RAP1GAP: variants seen among roughly 807,000 people sequenced by gnomAD.
The protein encoded by RAP1GAP is rap1 GTPase-activating protein 1.
Under a neutral mutation model 87.2 loss-of-function variants are expected in RAP1GAP, and 35 were observed. The observed-to-expected ratio is 0.40, with a 90% CI of 0.31 to 0.53. RAP1GAP has a LOEUF of 0.53. Ranked by LOEUF, RAP1GAP falls within the 20% of genes least tolerant of loss-of-function variation. The pLI, the probability that RAP1GAP is intolerant of heterozygous loss-of-function variation, is 0.48. For synonymous variants in RAP1GAP, 375 were observed against 363.9 expected (o/e 1.03, Z -0.35); for missense variants, 734 against 898.9 (o/e 0.82, Z 2.35).
At chr1:21,598,598 A>AC in intron 21 of RAP1GAP, 96 bp from the exon 22 acceptor site, 1 of 1,001,936 alleles carries the variant, frequency 1.0e-6, no homozygotes, top group East Asian at 2.6e-5. Context: ...GCATTCCACA[A>AC]CCCCCCACCC....
At position 21,606,055 on chromosome 1, in the gene RAP1GAP, A is replaced by G; in HGVS notation, c.1428+11T>C. 1.9e-6 allele frequency: 3 copies of G among 1,571,682 alleles called. No homozygotes were observed. The highest frequency in any genetic ancestry group is 1.9e-5 in the Admixed American group (1 of 53,908). Reference sequence around the variant, plus strand: ...GAGGGGCCGGGGCCTGGGGAGGGGGAGGGCACTCACTATTCCAGCCGCCTT... The same window carrying G: ...GAGGGGCCGGGGCCTGGGGAGGGGGGGGGCACTCACTATTCCAGCCGCCTT... On this transcript the variant is annotated intron_variant, in intron 18 of 24. Coordinates refer to ENST00000374765, the MANE Select transcript of RAP1GAP (RefSeq NM_002885.4).
chr1:21,653,943 C>T (rs2152115842), intron 1 of RAP1GAP, among the ~76,000 whole-genome samples: 1 of 152,272 alleles, frequency 6.6e-6, no homozygotes, highest in East Asian at 1.9e-4. Context: ...CAGGCCTGGC[C>T]CCCGGGAGGC....
At chr1:21,641,327 G>A (rs763354776) in intron 2 of RAP1GAP, among the ~76,000 whole-genome samples, 6 of 152,040 alleles carry the variant, frequency 3.9e-5, no homozygotes, top group South Asian at 2.1e-4. Context: ...GCTTTGGGGC[G>A]GGGGAAGGAG....
chr1:21,624,629 A>AAAGG (rs2090955567), intron 3 of RAP1GAP, among the ~76,000 whole-genome samples: 1 of 152,156 alleles, frequency 6.6e-6, no homozygotes, highest in Admixed American at 6.5e-5. Context: ...CTCTCCTGTC[A>AAAGG]AAGGAGGATG....
rs746923940 is a variant in RAP1GAP, at chr1:21,603,850, T to A, written c.1429-937A>T. On this transcript the variant is annotated intron_variant, in intron 18 of 24. Coordinates refer to ENST00000374765, the MANE Select transcript of RAP1GAP (RefSeq NM_002885.4). The surrounding 1 kb of genome is among the most constrained non-coding windows in gnomAD (Gnocchi z 6.0). ...GGACGACAACCTCTTCCACGGTTCCTATGCCTATGGCACTGCCCCGGCGTC... is the reference window on the plus strand; with the variant it reads ...GGACGACAACCTCTTCCACGGTTCCAATGCCTATGGCACTGCCCCGGCGTC... The A allele has an allele frequency of 6.2e-7, 1 of 1,607,658 alleles. No individual in the cohort carries two copies. The highest frequency in any genetic ancestry group is 8.5e-7 in the Non-Finnish European group (1 of 1,177,316).
intron 2 of RAP1GAP, among the ~76,000 whole-genome samples, chr1:21,632,178 A>G (rs1227241365): frequency 1.3e-5 from 2 of 151,950 alleles, no homozygotes; most frequent in Admixed American, 6.6e-5. Context: ...GAGAGCACCC[A>G]TCTTTTCCAG....
rs79653247 is a variant in RAP1GAP at position 21,625,962 on chromosome 1, G to T, written c.-19+342C>A. Reference sequence around the variant, plus strand: ...TCTTCACAATGACCCTGTGAAGTGGGTCCTCTCATTGCACCTGGTTTACAG... The same window carrying T: ...TCTTCACAATGACCCTGTGAAGTGGTTCCTCTCATTGCACCTGGTTTACAG... On this transcript the variant is annotated intron_variant, in intron 3 of 24. Coordinates refer to ENST00000374765, the MANE Select transcript of RAP1GAP (RefSeq NM_002885.4). Among the ~76,000 whole-genome samples, 1,068 of 152,298 alleles carry T rather than the reference G, an allele frequency of 7.0e-3. 6 individuals are homozygous for T. The highest frequency in any genetic ancestry group is 0.012 in the Non-Finnish European group (840 of 68,032).
At chr1:21,636,797 A>T (rs556573333) in intron 2 of RAP1GAP, among the ~76,000 whole-genome samples, 1 of 151,662 alleles carries the variant, frequency 6.6e-6, no homozygotes, top group African/African-American at 2.4e-5. Context: ...ACAAGAGCAA[A>T]ATTCCATCTC....
In RAP1GAP at chr1:21,613,205, C is replaced by A. The variant is rs2079568264; in HGVS notation, c.499G>T (p.Asp167Tyr). 3 of 1,564,424 alleles carry A rather than the reference C, an allele frequency of 1.9e-6. No homozygotes were observed. Among genetic ancestry groups the A allele is most frequent in the Non-Finnish European group, 2.6e-6 (3 of 1,135,016 alleles). Reference sequence around the variant, plus strand: ...GGGTAGAGCACAGGATAGAACCGATCCACATTGACGTCTTCACACACCAAC... The same window carrying A: ...GGGTAGAGCACAGGATAGAACCGATACACATTGACGTCTTCACACACCAAC... ...AKLVCEDVNVDRFYPVLYPKA... is the reference protein window; with the variant it reads ...AKLVCEDVNVYRFYPVLYPKA... The change falls in exon 10 of 25, where the codon GAT becomes TAT. Residue 167 changes from aspartate (D) to tyrosine (Y), a missense_variant. Asp to Tyr is a radical substitution (Grantham distance 160). Around this residue, in one of 2 missense-constraint regions of RAP1GAP, gnomAD observed 485 missense variants for 646.2 expected, o/e 0.75. Coordinates refer to ENST00000374765, the MANE Select transcript of RAP1GAP (RefSeq NM_002885.4). This position sits in a 1 kb window ranked among gnomAD's most constrained non-coding sequence, Gnocchi z 4.7.
At chr1:21,601,627 G>A (rs2148683730) in intron 20 of RAP1GAP, 57 bp downstream of exon 20, 6 of 1,357,204 alleles carry the variant, frequency 4.4e-6, no homozygotes, top group South Asian at 1.4e-5. Context: ...GGCAGGGGAG[G>A]GGAAGGACGG....
chr1:21,612,142 G>C (rs774582290), intron 10 of RAP1GAP, 33 bp from the exon 11 acceptor site: 1 of 1,488,174 alleles, frequency 6.7e-7, no homozygotes, highest in Non-Finnish European at 9.2e-7. Context: ...AAGAGGCTGC[G>C]TGTGCAAGCT....
Position 21,661,837 on chromosome 1 carries a change from G to C in RAP1GAP, c.-149+7417C>G, listed in dbSNP as rs77065853. 6.5e-3 allele frequency among the ~76,000 whole-genome samples: 996 copies of C among 152,318 alleles called. 4 individuals are homozygous for C. The highest frequency in any genetic ancestry group is 9.9e-3 in the Non-Finnish European group (673 of 68,016). On this transcript the variant is annotated intron_variant, in intron 1 of 24. Coordinates refer to ENST00000374765, the MANE Select transcript of RAP1GAP (RefSeq NM_002885.4). ...CAATGTGACTGTGGGCAGCTCCCCA[G>C]TTTTCTTCTCTGAATAATGAGGCCC...
chr1:21,610,098 G>T (rs756853397), intron 14 of RAP1GAP, 22 bp downstream of exon 14: 1 of 1,612,248 alleles, frequency 6.2e-7, no homozygotes, highest in South Asian at 1.1e-5. Context: ...TGATGCCCCT[G>T]GGAGGCTCCA....
intron 1 of RAP1GAP, among the ~76,000 whole-genome samples, chr1:21,660,339 C>CCATA (rs1553503814): frequency 7.6e-5 from 4 of 52,864 alleles, no homozygotes; most frequent in African/African-American, 5.5e-5. Flanking sequence ...TCCAACTCAG[C>CCATA]TATATATATT....
At chr1:21,660,353 T>TATATATATAGAGAGAGAGA in intron 1 of RAP1GAP, among the ~76,000 whole-genome samples, 1 of 26,818 alleles carries the variant, frequency 3.7e-5, no homozygotes, top group Non-Finnish European at 8.4e-5. Context: ...ATATATTTAT[T>TATATATATAGAGAGAGAGA]GAGACAGTCT....
At chr1:21,605,867 C>A (rs2074117803) in intron 18 of RAP1GAP, among the ~76,000 whole-genome samples, 199 bp downstream of exon 18, 2 of 152,334 alleles carry the variant, frequency 1.3e-5, no homozygotes, top group Non-Finnish European at 2.9e-5. Flanking sequence ...AGGCTGCAAG[C>A]TGTCAGCACC....
chr1:21,666,339 G>A (rs1370934633), intron 1 of RAP1GAP, among the ~76,000 whole-genome samples: 2 of 152,226 alleles, frequency 1.3e-5, no homozygotes, highest in Non-Finnish European at 2.9e-5. Flanking sequence ...ACTGGGGCCT[G>A]GTAATGCCTC....
At position 21,609,153 on chromosome 1, in the gene RAP1GAP, G is replaced by A. The variant is rs895593880; in HGVS notation, c.1072-217C>T. 2.6e-5 allele frequency among the ~76,000 whole-genome samples: 4 copies of A among 152,142 alleles called. No homozygotes were observed. The highest frequency in any genetic ancestry group is 2.1e-4 in the South Asian group (1 of 4,834). ...GCCCTTCATGGCTGCCCACGCCTTC[G>A]GGAGAGCAAACTCCACAGATGTTAG... On this transcript the variant is annotated intron_variant, in intron 15 of 24. Transcript: ENST00000374765. This position sits in a 1 kb window ranked among gnomAD's most constrained non-coding sequence, Gnocchi z 4.4.
In RAP1GAP at chr1:21,620,015, C is replaced by T. The variant is rs2085724772; in HGVS notation, c.18G>A (p.Gln6=). Residue 6 remains glutamine (Q), a splice_region_variant and synonymous_variant, in exon 4 of 25, where the codon CAG becomes CAA. Coordinates refer to ENST00000374765, the MANE Select transcript of RAP1GAP (RefSeq NM_002885.4). MIEKM[Q]GSRMDEQRCS... Reference sequence around the variant, plus strand: ...GAACAGGCCACAGAGCCATCCTCACCTGCATCTTCTCAATCATCTCAAATA... The same window carrying T: ...GAACAGGCCACAGAGCCATCCTCACTTGCATCTTCTCAATCATCTCAAATA... The T allele has an allele frequency of 6.2e-7, 1 of 1,614,012 alleles. No individual in the cohort carries two copies. Among genetic ancestry groups the T allele is most frequent in the Non-Finnish European group, 8.5e-7 (1 of 1,179,952 alleles).
Sources: allele counts gnomAD v4.1 joint callset (sites outside exome capture counted in the v4.1 genomes callset), GRCh38; gene constraint gnomAD v4.1.1; regional missense constraint gnomAD v4.1.1; non-coding constraint Gnocchi (gnomAD v3.1); transcripts MANE v1.5; gene names NCBI Gene and HGNC (gene_info 2026-07-23, HGNC 2026-07-21).